The following DNAH14 variants were observed in gnomAD, a reference collection of about 807,000 sequenced individuals.
DNAH14 encodes axonemal beta dynein heavy chain 14.
A neutral mutation model predicts 520.9 loss-of-function variants in DNAH14; 478 were observed. The observed-to-expected ratio is 0.92, with a 90% CI of 0.85 to 0.99. DNAH14 has a LOEUF of 0.99. Ranked by LOEUF, DNAH14 falls within the 50% of genes least tolerant of loss-of-function variation. DNAH14 has a pLI of 0.00. For missense variants in DNAH14, 4,831 were observed against 5,234.5 expected, an observed-to-expected ratio of 0.92 and a Z score of 2.38; for synonymous variants, 1,581 against 1,757.2, an observed-to-expected ratio of 0.90 and a Z score of 2.51.
intron 17 of DNAH14, among the ~76,000 whole-genome samples, chr1:225,057,036 A>C (rs940990445): frequency 2.0e-5 from 3 of 152,160 alleles, no homozygotes; most frequent in Non-Finnish European, 2.9e-5. Context: ...TTCCATAGGA[A>C]CTTTAAAGTA....
chr1:225,190,503 A>T lies in DNAH14; in HGVS notation c.5671-2193A>T, dbSNP rs571665367. Reference sequence around the variant, plus strand: ...AGAATTTTCCATTTAATATTTTTGGACTGCAGTTGACCACAGGTAAATGCA... The same window carrying T: ...AGAATTTTCCATTTAATATTTTTGGTCTGCAGTTGACCACAGGTAAATGCA... On this transcript the variant is annotated intron_variant, in intron 37 of 85. Transcript: ENST00000682510. Among the ~76,000 whole-genome samples the T allele has an allele frequency of 1.2e-3, 180 of 152,180 alleles. 2 individuals are homozygous for T. The highest frequency in any genetic ancestry group is 6.8e-3 in the Middle Eastern group (2 of 294).
At chr1:225,359,980 T>G (rs1226300118) in intron 74 of DNAH14, among the ~76,000 whole-genome samples, 1 of 152,212 alleles carries the variant, frequency 6.6e-6, no homozygotes, top group Non-Finnish European at 1.5e-5. Flanking sequence ...GCGTTAGCAT[T>G]TATCCTGATG....
Position 225,290,098 on chromosome 1 carries a change from C to G in DNAH14, c.8469+16C>G. ...CATAGAACAAGTAAGTACTTTTTGT[C>G]TTTGCTATTTGCTGAAGTTTGATAT... On this transcript the variant is annotated intron_variant, in intron 55 of 85. Transcript: ENST00000682510. The G allele has an allele frequency of 7.3e-7, 1 of 1,367,948 alleles. No individual in the cohort carries two copies. Among genetic ancestry groups the G allele is most frequent in the Non-Finnish European group, 9.5e-7 (1 of 1,048,878 alleles). 84.7% of individuals were successfully genotyped at this position (1,367,948 alleles called of 1,614,324 possible).
At chr1:225,310,060 AAAATAAAT>A (rs139314329) in intron 60 of DNAH14, among the ~76,000 whole-genome samples, 4 of 150,998 alleles carry the variant, frequency 2.6e-5, no homozygotes, top group Non-Finnish European at 4.4e-5. Flanking sequence ...TAAAAAAAGA[AAAATAAAT>A]AAATAAATAA....
In DNAH14 at chr1:225,335,332, TG is replaced by T. The variant is rs1558426906; in HGVS notation, c.10080+1827del. On this transcript the variant is annotated intron_variant, in intron 66 of 85. Coordinates refer to ENST00000682510, the MANE Select transcript of DNAH14 (RefSeq NM_001367479.1). ...ACGTGTGTATATGCACATATACACG[TG>T]TGTACATGTGTGTGTATATGCATAT... Among the ~76,000 whole-genome samples the T allele has an allele frequency of 3.8e-4, 31 of 80,538 alleles. 1 individual carries two copies. In the South Asian group the frequency reaches 6.0e-3, roughly 16 times the overall value. 52.8% of individuals were successfully genotyped at this position (80,538 alleles called of 152,430 possible). A position where few individuals can be genotyped will look rare whatever the true frequency, so the allele number is the denominator to read the frequency against.
At chr1:225,306,183 GC>G (rs1453852255) in intron 58 of DNAH14, among the ~76,000 whole-genome samples, 1 of 152,208 alleles carries the variant, frequency 6.6e-6, no homozygotes, top group East Asian at 1.9e-4. Flanking sequence ...GCAGCATTTT[GC>G]TAATGTGGGG....
chr1:225,073,693 G>T, intron 17 of DNAH14, among the ~76,000 whole-genome samples: 1 of 151,986 alleles, frequency 6.6e-6, no homozygotes, highest in East Asian at 1.9e-4. Context: ...TTTTGTTTTT[G>T]TTTTTTGTTT....
intron 84 of DNAH14, among the ~76,000 whole-genome samples, chr1:225,392,970 C>CTGGGCAACAAAGCAAGA (rs2095941010): frequency 6.6e-6 from 1 of 152,218 alleles, no homozygotes; most frequent in South Asian, 2.1e-4. Flanking sequence ...TGCACCCCAG[C>CTGGGCAACAAAGCAAGA]CCTGCCACTC....
intron 55 of DNAH14, among the ~76,000 whole-genome samples, chr1:225,298,663 C>T (rs1468220340): frequency 6.6e-6 from 1 of 152,152 alleles, no homozygotes; most frequent in African/African-American, 2.4e-5. Flanking sequence ...CCAGAGGTAC[C>T]TCTGGTCTCA....
intron 27 of DNAH14, among the ~76,000 whole-genome samples, chr1:225,138,084 G>T (rs1014935438): frequency 1.3e-5 from 2 of 151,918 alleles, no homozygotes; most frequent in African/African-American, 4.8e-5. Flanking sequence ...CTAGGGAACT[G>T]TGGATATGGC....
intron 8 of DNAH14, among the ~76,000 whole-genome samples, chr1:224,996,312 T>C (rs1027084958): frequency 2.0e-5 from 3 of 149,884 alleles, no homozygotes; most frequent in African/African-American, 7.6e-5. Context: ...TGCCACCACA[T>C]CCACTGAATT....
intron 23 of DNAH14, among the ~76,000 whole-genome samples, chr1:225,106,755 A>G (rs927441403): frequency 3.3e-5 from 5 of 151,948 alleles, no homozygotes; most frequent in African/African-American, 1.2e-4. Context: ...ACTTCTCTGC[A>G]TTGGTTATTC....
chr1:225,083,131 A>T (rs756370830), intron 20 of DNAH14, among the ~76,000 whole-genome samples: 1 of 152,148 alleles, frequency 6.6e-6, no homozygotes, highest in Non-Finnish European at 1.5e-5. Flanking sequence ...CTTAACATAT[A>T]TATAACTTGA....
intron 1 of DNAH14, among the ~76,000 whole-genome samples, chr1:224,937,424 AAAAG>A (rs906512449): frequency 1.3e-5 from 2 of 152,158 alleles, no homozygotes; most frequent in African/African-American, 4.8e-5. Context: ...AACAATCTGA[AAAAG>A]AAATCAAGAA....
At chr1:225,024,225 T>A (rs901772246) in intron 11 of DNAH14, 101 of 987,720 alleles carry the variant, frequency 1.0e-4, no homozygotes, top group Non-Finnish European at 1.2e-4. Flanking sequence ...GTATACTCTG[T>A]CTTCCAGGTT....
chr1:225,015,792 C>T (rs551296868), intron 10 of DNAH14, among the ~76,000 whole-genome samples: 16 of 152,242 alleles, frequency 1.1e-4, no homozygotes, highest in African/African-American at 3.6e-4. Flanking sequence ...TTACACTCAC[C>T]AGACTATGGA....
At chr1:225,060,727 C>A (rs1185595935) in intron 17 of DNAH14, among the ~76,000 whole-genome samples, 1 of 46,650 alleles carries the variant, frequency 2.1e-5, no homozygotes, top group African/African-American at 3.2e-5. Flanking sequence ...AGTTTTCCTT[C>A]TAACAGTCAG....
At chr1:225,374,993 CT>C in intron 78 of DNAH14, 108 bp downstream of exon 78, 1 of 1,029,664 alleles carries the variant, frequency 9.7e-7, no homozygotes, top group African/African-American at 1.6e-5. Context: ...TTTTTAAAGG[CT>C]TTTAGTAGCT....
chr1:225,170,121 A>G (rs893361781), intron 36 of DNAH14, among the ~76,000 whole-genome samples: 1 of 152,234 alleles, frequency 6.6e-6, no homozygotes, highest in African/African-American at 2.4e-5. Flanking sequence ...TGAAGGAAGC[A>G]CTAAACATGG....
Sources: allele counts gnomAD v4.1 joint callset (sites outside exome capture counted in the v4.1 genomes callset), GRCh38; gene constraint gnomAD v4.1.1; transcripts MANE v1.5; gene names NCBI Gene and HGNC (gene_info 2026-07-23, HGNC 2026-07-21).